The following DPYD variants were observed in gnomAD, a reference collection of about 807,000 sequenced individuals.
DPYD encodes dihydropyrimidine dehydrogenase [NADP(+)].
A neutral mutation model predicts 116.2 loss-of-function variants in DPYD; 109 were observed. The observed-to-expected ratio is 0.94, with a 90% confidence interval of 0.80 to 1.10. The LOEUF (loss-of-function observed/expected upper bound fraction) is 1.10, where lower values mean the gene tolerates loss of function less well. Among genes scored for constraint, DPYD ranks in the 50% least tolerant of loss-of-function variants. DPYD has a pLI of 0.00. For missense variants in DPYD, 1,302 were observed against 1,254.5 expected (o/e 1.04, Z -0.57); for synonymous variants, 440 against 432.0 (o/e 1.02, Z -0.23).
At chr1:97,124,168 T>A (rs1652659159) in intron 20 of DPYD, among the ~76,000 whole-genome samples, 1 of 138,186 alleles carries the variant, frequency 7.2e-6, no homozygotes, top group Non-Finnish European at 1.6e-5. Flanking sequence ...AGAGGAAAAT[T>A]TCCTAATGGA....
chr1:97,550,583 C>T (rs1651245084), intron 11 of DPYD, among the ~76,000 whole-genome samples: 1 of 152,104 alleles, frequency 6.6e-6, no homozygotes. Context: ...GAAAGGTGGA[C>T]AACACCCTAT....
chr1:97,231,900 T>C (rs1245597723), intron 19 of DPYD, among the ~76,000 whole-genome samples: 27 of 152,156 alleles, frequency 1.8e-4, no homozygotes. Flanking sequence ...CATAACTCCA[T>C]TGTATCCTTC....
intron 8 of DPYD, among the ~76,000 whole-genome samples, chr1:97,642,331 A>G (rs1387629639): frequency 6.6e-6 from 1 of 152,112 alleles, no homozygotes; most frequent in Non-Finnish European, 1.5e-5. Flanking sequence ...ATGCTACCTG[A>G]CTTCAAACTA....
At chr1:97,556,154 C>T (rs954900860) in intron 11 of DPYD, among the ~76,000 whole-genome samples, 1 of 152,060 alleles carries the variant, frequency 6.6e-6, no homozygotes. Flanking sequence ...TGGACAGGCA[C>T]CTAAGGTGCC....
intron 3 of DPYD, among the ~76,000 whole-genome samples, chr1:97,770,001 C>G (rs1302923739): frequency 6.6e-6 from 1 of 152,038 alleles, no homozygotes; most frequent in Non-Finnish European, 1.5e-5. Flanking sequence ...CATAGGAAGC[C>G]AGTATTTACA....
chr1:97,701,367 T>C (rs1661589581), intron 5 of DPYD, among the ~76,000 whole-genome samples: 1 of 151,488 alleles, frequency 6.6e-6, no homozygotes, highest in Non-Finnish European at 1.5e-5. Context: ...GAACTAAAAG[T>C]AAAATAAATA....
intron 21 of DPYD, among the ~76,000 whole-genome samples, chr1:97,084,722 C>T (rs1250484268): frequency 2.0e-5 from 3 of 152,214 alleles, no homozygotes; most frequent in East Asian, 3.9e-4. Flanking sequence ...TTAAATACCA[C>T]GATCATCAGC....
chr1:97,516,258 G>A (rs987964752), intron 12 of DPYD, among the ~76,000 whole-genome samples: 1 of 151,988 alleles, frequency 6.6e-6, no homozygotes, highest in Non-Finnish European at 1.5e-5. Context: ...GTCCAATCCA[G>A]TCTCTTTGTA....
chr1:97,468,601 A>G (rs1677459823), intron 13 of DPYD, among the ~76,000 whole-genome samples: 1 of 152,232 alleles, frequency 6.6e-6, no homozygotes, highest in Non-Finnish European at 1.5e-5. Flanking sequence ...TAACCCATCT[A>G]TGACATTTTG....
chr1:97,084,157 A>G (rs1378595386), intron 21 of DPYD, among the ~76,000 whole-genome samples: 1 of 152,086 alleles, frequency 6.6e-6, no homozygotes, highest in African/African-American at 2.4e-5. Context: ...CCACGCTGGC[A>G]TTTAAGGCTT....
At chr1:97,361,605 C>G (rs1234398759) in intron 16 of DPYD, among the ~76,000 whole-genome samples, 2 of 152,186 alleles carry the variant, frequency 1.3e-5, no homozygotes, top group African/African-American at 2.4e-5. Flanking sequence ...GCTTATCCAC[C>G]ACGATCAAGT....
In DPYD at chr1:97,482,036, T is replaced by C. The variant is rs571337179; in HGVS notation, c.1741-31813A>G. Among the ~76,000 whole-genome samples the C allele has an allele frequency of 1.7e-4, 26 of 152,302 alleles. 1 individual carries two copies. In the South Asian group the frequency reaches 5.2e-3, roughly 30 times the overall value. On this transcript the variant is annotated intron_variant, in intron 13 of 22. Coordinates refer to ENST00000370192, the MANE Select transcript of DPYD (RefSeq NM_000110.4). The stretch of plus-strand genomic sequence containing the variant: ...AAAGTAGATGCATTATCTTCTCCTA[T>C]GGGAGTGGAGAAGAAAGGTCTATTA...
chr1:97,900,768 C>T (rs1673329636), intron 1 of DPYD, among the ~76,000 whole-genome samples: 1 of 151,670 alleles, frequency 6.6e-6, no homozygotes, highest in Non-Finnish European at 1.5e-5. Context: ...GAAAATCTCC[C>T]ATGCACACAA....
intron 16 of DPYD, among the ~76,000 whole-genome samples, chr1:97,327,525 A>G (rs1377008985): frequency 1.3e-5 from 2 of 152,032 alleles, no homozygotes; most frequent in East Asian, 1.9e-4. Flanking sequence ...TGAAACAACT[A>G]AATAGAAATA....
At position 97,740,407 on chromosome 1, in the gene DPYD, T is replaced by A; in HGVS notation, c.306A>T (p.Thr102=). The A allele has an allele frequency of 6.2e-7, 1 of 1,612,610 alleles. No homozygotes were observed. Residue 102 remains threonine, a synonymous_variant, in exon 4 of 23, where the codon ACA becomes ACT. Transcript: ENST00000370192. ...PTNLDIKSFI[T]SIANKNYYGA... is the part of the protein sequence containing the mutation. ...CTGAATTTACCTTGTTTGCAATACTTGTGATGAATGATTTAATATCAAGAT... is the reference window on the plus strand; with the variant it reads ...CTGAATTTACCTTGTTTGCAATACTAGTGATGAATGATTTAATATCAAGAT...
intron 3 of DPYD, among the ~76,000 whole-genome samples, chr1:97,791,285 T>C (rs1482619804): frequency 1.3e-5 from 2 of 152,196 alleles, no homozygotes; most frequent in Non-Finnish European, 2.9e-5. Context: ...CATTTCCAAA[T>C]GTCCTCCAAA....
chr1:97,915,178 G>A (rs1285402875), intron 1 of DPYD, among the ~76,000 whole-genome samples: 2 of 152,088 alleles, frequency 1.3e-5, no homozygotes, highest in Admixed American at 6.5e-5. Flanking sequence ...GGCAGTCCAA[G>A]AAAGAAGCTG....
At chr1:97,499,832 C>G (rs1223544268) in intron 13 of DPYD, among the ~76,000 whole-genome samples, 2 of 151,828 alleles carry the variant, frequency 1.3e-5, no homozygotes, top group Non-Finnish European at 2.9e-5. Context: ...GTAAGTCAAT[C>G]CAAGGGTCAC....
chr1:97,875,973 A>T (rs1671893501), intron 2 of DPYD, among the ~76,000 whole-genome samples: 1 of 152,042 alleles, frequency 6.6e-6, no homozygotes, highest in Admixed American at 6.6e-5. Flanking sequence ...AACTAGTTGA[A>T]TACGGGGTTT....
Sources: allele counts gnomAD v4.1 joint callset (sites outside exome capture counted in the v4.1 genomes callset), GRCh38; gene constraint gnomAD v4.1.1; transcripts MANE v1.5; gene names NCBI Gene and HGNC (gene_info 2026-07-23, HGNC 2026-07-21).